The following ATP13A4 variants were observed in gnomAD, a reference collection of about 807,000 sequenced individuals.
The protein encoded by ATP13A4 is ATPase 13A4, also known as probable cation-transporting ATPase 13A4.
Under a neutral mutation model 142.5 loss-of-function variants are expected in ATP13A4, and 114 were observed. That is an observed-to-expected ratio of 0.80 (90% CI 0.69 to 0.93). ATP13A4 has a LOEUF of 0.93. Among genes scored for constraint, ATP13A4 ranks in the 40% least tolerant of loss-of-function variants. The pLI, the probability that ATP13A4 is intolerant of heterozygous loss-of-function variation, is 0.00. For missense variants in ATP13A4, 1,392 were observed against 1,454.0 expected, an observed-to-expected ratio of 0.96 and a Z score of 0.69; for synonymous variants, 488 against 514.8, an observed-to-expected ratio of 0.95 and a Z score of 0.70.
chr3:193,503,441 G>A (rs9866274), intron 2 of ATP13A4, among the ~76,000 whole-genome samples: 67,329 of 151,966 alleles, frequency 0.44, 15,446 homozygotes, highest in African/African-American at 0.57. Flanking sequence ...AGTGGTTATT[G>A]TCTGAATAGG....
rs753743933 is a variant in ATP13A4, at chr3:193,407,399, G to A, written c.3298-6C>T. On this transcript the variant is annotated splice_region_variant and splice_polypyrimidine_tract_variant and intron_variant, in intron 28 of 29. Coordinates refer to ENST00000342695, the MANE Select transcript of ATP13A4 (RefSeq NM_032279.4). ...AGGACGGGAGTGCAGAGCAGCTGGCGGGAGATGATGAAGCACAGTTAGTCT... is the reference window on the plus strand; with the variant it reads ...AGGACGGGAGTGCAGAGCAGCTGGCAGGAGATGATGAAGCACAGTTAGTCT... 26 of 1,607,856 alleles carry A rather than the reference G, an allele frequency of 1.6e-5. No individual in the cohort carries two copies. The highest frequency in any genetic ancestry group is 8.3e-5 in the Admixed American group (5 of 59,964).
At chr3:193,573,307 A>ATT (rs1491575912) in intron 2 of ATP13A4, among the ~76,000 whole-genome samples, 41 of 129,872 alleles carry the variant, frequency 3.2e-4, no homozygotes, top group African/African-American at 9.8e-4. Flanking sequence ...ATATATATAT[A>ATT]CATATATATA....
At chr3:193,585,180 G>A (rs142992713) in intron 1 of ATP13A4, among the ~76,000 whole-genome samples, 47 of 152,300 alleles carry the variant, frequency 3.1e-4, no homozygotes, top group African/African-American at 5.8e-4. Context: ...CACTTTGGGA[G>A]GCAAAGGTTC....
At chr3:193,507,733 G>T (rs11716268) in intron 2 of ATP13A4, among the ~76,000 whole-genome samples, 18,529 of 152,086 alleles carry the variant, frequency 0.12, 1,365 homozygotes, top group Non-Finnish European at 0.16. Flanking sequence ...AACTTCTGGA[G>T]ATATAGTGTG....
chr3:193,511,771 A>G (rs1721152560), intron 2 of ATP13A4, among the ~76,000 whole-genome samples: 1 of 151,696 alleles, frequency 6.6e-6, no homozygotes, highest in Non-Finnish European at 1.5e-5. Context: ...TGACTCCTTC[A>G]TTCTCACACT....
intron 25 of ATP13A4, among the ~76,000 whole-genome samples, chr3:193,432,194 G>A (rs1307464468): frequency 1.3e-5 from 2 of 152,038 alleles, no homozygotes; most frequent in Non-Finnish European, 2.9e-5. Flanking sequence ...GGAAGTAGGA[G>A]TAAAAGCATA....
intron 22 of ATP13A4, 79 bp downstream of exon 22, chr3:193,438,944 C>T: frequency 7.1e-7 from 1 of 1,408,856 alleles, no homozygotes; most frequent in Non-Finnish European, 1.0e-6. Flanking sequence ...ATTATGACTA[C>T]ACACACTGGC....
upstream of ATP13A4, among the ~76,000 whole-genome samples, chr3:193,555,752 T>C (rs1026321427): frequency 2.6e-5 from 4 of 152,194 alleles, no homozygotes; most frequent in Non-Finnish European, 5.9e-5. Flanking sequence ...TTATAAGAGA[T>C]GGAACAGAAG....
At chr3:193,562,679 G>A (rs1009210894) in intron 2 of ATP13A4, among the ~76,000 whole-genome samples, 1 of 152,148 alleles carries the variant, frequency 6.6e-6, no homozygotes, top group East Asian at 1.9e-4. Context: ...AGACTATCCT[G>A]GCTAACACGA....
At chr3:193,541,389 T>G in intron 1 of ATP13A4, among the ~76,000 whole-genome samples, 1 of 115,996 alleles carries the variant, frequency 8.6e-6, no homozygotes, top group Admixed American at 8.2e-5. Flanking sequence ...AGATTATCTA[T>G]CTGTGATTAT....
At chr3:193,544,137 T>C (rs1723095025) in intron 1 of ATP13A4, among the ~76,000 whole-genome samples, 1 of 152,156 alleles carries the variant, frequency 6.6e-6, no homozygotes, top group Non-Finnish European at 1.5e-5. Flanking sequence ...TCTTCTCTCC[T>C]ACTATTTAAG....
intron 1 of ATP13A4, among the ~76,000 whole-genome samples, chr3:193,518,231 G>C (rs1721532243): frequency 2.0e-5 from 3 of 152,200 alleles, no homozygotes; most frequent in African/African-American, 7.2e-5. Context: ...CAGTGAGTGA[G>C]ATGTACTGTG....
chr3:193,487,924 TGTATTTGTGCAGATG>T (rs910259117), intron 7 of ATP13A4, among the ~76,000 whole-genome samples: 101 of 152,108 alleles, frequency 6.6e-4, no homozygotes, highest in African/African-American at 2.2e-3. Flanking sequence ...CTAGAGAAAA[TGTATTTGTGCAGATG>T]CAGAAAGATA....
At position 193,546,073 on chromosome 3, in the gene ATP13A4, C is replaced by T. The variant is rs924523376; in HGVS notation, c.60+8667G>A. Among the ~76,000 whole-genome samples the T allele has an allele frequency of 6.7e-5, 10 of 150,258 alleles. 1 individual carries two copies. In the South Asian group the frequency reaches 1.9e-3, roughly 29 times the overall value. On this transcript the variant is annotated intron_variant, in intron 1 of 29. Coordinates refer to ENST00000342695, the MANE Select transcript of ATP13A4 (RefSeq NM_032279.4). ...ATCTGTATTGAGCCTCGGTTCAATCCAGTAAGGTATTATTATTGAAACTGG... is the reference window on the plus strand; with the variant it reads ...ATCTGTATTGAGCCTCGGTTCAATCTAGTAAGGTATTATTATTGAAACTGG...
At chr3:193,554,649 CGTGCGTGTGT>C in intron 1 of ATP13A4, 81 bp downstream of exon 1, 4 of 1,323,722 alleles carry the variant, frequency 3.0e-6, no homozygotes, top group South Asian at 2.4e-5. Flanking sequence ...GTGTGTGATG[CGTGCGTGTGT>C]GTGTGTGTGT....
chr3:193,415,583 C>T (rs1217635641), intron 25 of ATP13A4, among the ~76,000 whole-genome samples: 1 of 152,174 alleles, frequency 6.6e-6, no homozygotes, highest in Non-Finnish European at 1.5e-5. Flanking sequence ...GCATAGCAGG[C>T]CTTATTTACA....
chr3:193,581,059 A>G (rs1387727511), intron 2 of ATP13A4, among the ~76,000 whole-genome samples: 1 of 152,212 alleles, frequency 6.6e-6, no homozygotes, highest in Admixed American at 6.5e-5. Context: ...TCGTTAACCT[A>G]TGAGTTTAGC....
rs1720763915 is a variant in ATP13A4 at position 193,504,687 on chromosome 3, G to A, written c.235-2048C>T. On this transcript the variant is annotated intron_variant, in intron 2 of 29. Coordinates refer to ENST00000342695, the MANE Select transcript of ATP13A4 (RefSeq NM_032279.4). The stretch of plus-strand genomic sequence containing the variant: ...TTGATTGGACTGCCATTTTTATGTC[G>A]AGCCTGAACTGGAACTTCTAAAAAA... Among the ~76,000 whole-genome samples, 3 of 151,966 alleles carry A rather than the reference G, an allele frequency of 2.0e-5. No homozygotes were observed. In the South Asian group the frequency reaches 6.2e-4, roughly 32 times the overall value.
chr3:193,578,285 T>C (rs1475540002), intron 2 of ATP13A4, among the ~76,000 whole-genome samples: 1 of 145,428 alleles, frequency 6.9e-6, no homozygotes, highest in African/African-American at 2.6e-5. Flanking sequence ...AGAGTGAGAC[T>C]CCATCTCAGA....
Sources: gnomAD v4.1 joint callset for allele counts (sites outside exome capture counted in the v4.1 genomes callset) on GRCh38, gnomAD v4.1.1 for gene constraint, MANE v1.5 for transcripts, NCBI Gene and HGNC (gene_info 2026-07-23, HGNC 2026-07-21) for gene names.